CAMTA1: variants seen among roughly 807,000 people sequenced by gnomAD.
CAMTA1 encodes calmodulin binding transcription activator 1.
Under a neutral mutation model 170.9 loss-of-function variants are expected in CAMTA1, and 27 were observed. That is an observed-to-expected ratio of 0.16 (90% confidence interval 0.12 to 0.22). CAMTA1 has a LOEUF of 0.22. Among genes scored for constraint, CAMTA1 ranks in the 10% least tolerant of loss-of-function variants. The pLI is 1.00. For missense variants in CAMTA1, 1,619 were observed against 2,217.2 expected, an observed-to-expected ratio of 0.73 and a Z score of 5.42; for synonymous variants, 833 against 891.5, an observed-to-expected ratio of 0.93 and a Z score of 1.17.
At chr1:7,752,734 G>A (rs1222806274) in intron 21 of CAMTA1, among the ~76,000 whole-genome samples, 1 of 152,216 alleles carries the variant, frequency 6.6e-6, no homozygotes, top group Middle Eastern at 3.2e-3. Flanking sequence ...CATGTCAGAC[G>A]ATGCTGTTTG....
intron 3 of CAMTA1, among the ~76,000 whole-genome samples, chr1:7,071,933 G>T (rs1638700764): frequency 6.6e-6 from 1 of 152,228 alleles, no homozygotes. Flanking sequence ...TGGCTCTGCT[G>T]GTAGGATCAG....
chr1:7,090,719 T>C (rs1463120241), intron 3 of CAMTA1, among the ~76,000 whole-genome samples: 1 of 152,224 alleles, frequency 6.6e-6, no homozygotes, highest in Non-Finnish European at 1.5e-5. Flanking sequence ...ACGTTGCTCT[T>C]CTTTTGGATG....
At chr1:7,001,879 TTTCTTC>T (rs56185909) in intron 3 of CAMTA1, among the ~76,000 whole-genome samples, 1 of 133,476 alleles carries the variant, frequency 7.5e-6, no homozygotes, top group Admixed American at 7.5e-5. Context: ...TTTTTCTTTC[TTTCTTC>T]TTCTTCTTCT....
chr1:6,883,477 C>G (rs989810421), intron 3 of CAMTA1, among the ~76,000 whole-genome samples: 2 of 152,008 alleles, frequency 1.3e-5, no homozygotes, highest in Non-Finnish European at 2.9e-5. Flanking sequence ...TGGATTTAAC[C>G]TGGGATTAGG....
At chr1:7,454,938 A>G (rs1278975845) in intron 5 of CAMTA1, among the ~76,000 whole-genome samples, 1 of 152,178 alleles carries the variant, frequency 6.6e-6, no homozygotes, top group South Asian at 2.1e-4. Context: ...AAGTCTCACC[A>G]TTACTATTAT....
At chr1:7,396,908 TGAG>T (rs1296732189) in intron 5 of CAMTA1, among the ~76,000 whole-genome samples, 7 of 152,252 alleles carry the variant, frequency 4.6e-5, no homozygotes, top group Non-Finnish European at 8.8e-5. Flanking sequence ...AGTATTTTGT[TGAG>T]GACTTTTGCA....
intron 6 of CAMTA1, among the ~76,000 whole-genome samples, chr1:7,577,825 T>A (rs548674975): frequency 3.3e-5 from 5 of 152,224 alleles, no homozygotes; most frequent in African/African-American, 1.2e-4. Flanking sequence ...GCACTGGCTG[T>A]GTTCCAATAA....
At chr1:6,962,324 A>G (rs1162397010) in intron 3 of CAMTA1, among the ~76,000 whole-genome samples, 1 of 151,970 alleles carries the variant, frequency 6.6e-6, no homozygotes, top group East Asian at 1.9e-4. Context: ...GCGAGGGGCC[A>G]GGGGCAGCTG....
chr1:7,033,104 A>G (rs1312221703), intron 3 of CAMTA1, among the ~76,000 whole-genome samples: 1 of 152,188 alleles, frequency 6.6e-6, no homozygotes, highest in Non-Finnish European at 1.5e-5. Context: ...AGTTTTATCA[A>G]ATTTGGAAAA....
At chr1:7,312,557 G>A in intron 5 of CAMTA1, among the ~76,000 whole-genome samples, 1 of 152,112 alleles carries the variant, frequency 6.6e-6, no homozygotes, top group East Asian at 1.9e-4. Flanking sequence ...AATGTCCTCA[G>A]ATTTGCTGCT....
intron 4 of CAMTA1, among the ~76,000 whole-genome samples, chr1:7,189,598 G>C (rs769885489): frequency 5.9e-5 from 9 of 152,182 alleles, no homozygotes; most frequent in Non-Finnish European, 1.3e-4. Context: ...CTTTACTTCT[G>C]CAAGAATGGT....
intron 19 of CAMTA1, chr1:7,749,825 T>TCC: frequency 2.2e-6 from 1 of 456,238 alleles, no homozygotes; most frequent in Non-Finnish European, 4.4e-6. Context: ...CACAAACCAT[T>TCC]CCACCAGAGT....
At chr1:7,143,471 CA>C (rs1022768265) in intron 4 of CAMTA1, among the ~76,000 whole-genome samples, 8 of 152,138 alleles carry the variant, frequency 5.3e-5, no homozygotes, top group Admixed American at 4.6e-4. Flanking sequence ...TCCTAAGTGC[CA>C]CCCATTGGCT....
chr1:7,134,015 T>A (rs1645407874), intron 4 of CAMTA1, among the ~76,000 whole-genome samples: 1 of 152,136 alleles, frequency 6.6e-6, no homozygotes, highest in Non-Finnish European at 1.5e-5. Context: ...GTGAGCATAG[T>A]GCCCAACAGG....
At chr1:7,318,292 G>A (rs377464750) in intron 5 of CAMTA1, among the ~76,000 whole-genome samples, 20 of 152,358 alleles carry the variant, frequency 1.3e-4, no homozygotes, top group South Asian at 6.2e-4. Flanking sequence ...GGGTCAGCCC[G>A]TAAAGGCTTC....
chr1:7,083,676 T>C (rs1256105487), intron 3 of CAMTA1, among the ~76,000 whole-genome samples: 2 of 152,202 alleles, frequency 1.3e-5, no homozygotes, highest in Non-Finnish European at 2.9e-5. Flanking sequence ...TTATTTAAAT[T>C]AAGGCCAATT....
rs60909261 is a variant in CAMTA1 at position 7,600,491 on chromosome 1, CT to C, written c.511-39896del. ...GGGAGGATTCCCTCTTTTTCTTTTT[CT>C]TTTTTTTTTTTTAATTGATCATTCT... On this transcript the variant is annotated intron_variant, in intron 6 of 22. Coordinates refer to ENST00000303635, the MANE Select transcript of CAMTA1 (RefSeq NM_015215.4). Among the ~76,000 whole-genome samples the C allele has an allele frequency of 2.7e-3, 388 of 142,880 alleles. 4 individuals carry two copies. The highest frequency in any genetic ancestry group is 3.7e-3 in the Admixed American group (53 of 14,352). The allele number at this position is 142,880 out of a possible 152,430, so 93.7% of individuals were successfully genotyped here.
chr1:6,909,057 T>G (rs1679168037), intron 3 of CAMTA1, among the ~76,000 whole-genome samples: 1 of 152,188 alleles, frequency 6.6e-6, no homozygotes, highest in Non-Finnish European at 1.5e-5. Flanking sequence ...TTTTAAAAAT[T>G]TTTTTCCAAT....
intron 6 of CAMTA1, among the ~76,000 whole-genome samples, chr1:7,573,245 C>T (rs941747566): frequency 6.6e-6 from 1 of 152,160 alleles, no homozygotes; most frequent in Non-Finnish European, 1.5e-5. Context: ...ACCCCTTGCA[C>T]CTTTGCAGCT....
Sources: gnomAD v4.1 joint callset for allele counts (sites outside exome capture counted in the v4.1 genomes callset) on GRCh38, gnomAD v4.1.1 for gene constraint, MANE v1.5 for transcripts, NCBI Gene and HGNC (gene_info 2026-07-23, HGNC 2026-07-21) for gene names.